Variants in ATP2A2 observed in about 807,000 individuals in gnomAD.
The protein encoded by ATP2A2 is sarcoplasmic/endoplasmic reticulum calcium ATPase 2.
In ATP2A2, 14 loss-of-function variants were observed where a neutral mutation model predicts 109.3. That is an observed-to-expected ratio of 0.13 (90% confidence interval 0.08 to 0.20). The LOEUF (loss-of-function observed/expected upper bound fraction) is 0.20. Ranked by LOEUF, ATP2A2 falls within the 10% of genes least tolerant of loss-of-function variation. The pLI, the probability that ATP2A2 is intolerant of heterozygous loss-of-function variation, is 1.00. For synonymous variants in ATP2A2, 506 were observed against 490.9 expected (o/e 1.03, Z -0.41); for missense variants, 657 against 1,321.6 (o/e 0.50, Z 7.80).
intron 5 of ATP2A2, among the ~76,000 whole-genome samples, chr12:110,311,710 A>G (rs1876090477): frequency 6.8e-6 from 1 of 146,814 alleles, no homozygotes; most frequent in Non-Finnish European, 1.5e-5. Flanking sequence ...AGTCTTTTGT[A>G]AAATATGAAA....
chr12:110,348,331 C>CAGTT lies in ATP2A2; in HGVS notation c.*1865_*1868dup, dbSNP rs1272138046. ...TAGCTCTGCAGGGGATGTTAAAGCA[C>CAGTT]AGTTAGTAGGACGTGGCTCTGCACA... is the stretch of plus-strand genomic sequence containing the variant. On this transcript the variant is annotated 3_prime_UTR_variant, in exon 20 of 20. Transcript: ENST00000539276. 8 of 985,152 alleles carry CAGTT rather than the reference C, an allele frequency of 8.1e-6. No individual in the cohort carries two copies. The South Asian group carries it at 1.9e-4, about 23-fold the overall frequency. 61.0% of individuals were successfully genotyped at this position (985,152 alleles called of 1,614,324 possible).
At chr12:110,306,112 C>G (rs1875291547) in intron 5 of ATP2A2, among the ~76,000 whole-genome samples, 1 of 152,194 alleles carries the variant, frequency 6.6e-6, no homozygotes, top group African/African-American at 2.4e-5. Flanking sequence ...GATCTCTGCT[C>G]ACTGCAAGCT....
intron 4 of ATP2A2, among the ~76,000 whole-genome samples, chr12:110,293,484 TC>T (rs1243042563): frequency 6.7e-6 from 1 of 150,084 alleles, no homozygotes; most frequent in Non-Finnish European, 1.5e-5. Context: ...AACCTCCACT[TC>T]CCGGGATCAA....
rs575731941 is a variant in ATP2A2, at chr12:110,340,256, G to T, written c.1762-403G>T. On this transcript the variant is annotated intron_variant, in intron 13 of 19. Transcript: ENST00000539276. This position sits in a 1 kb window ranked among gnomAD's most constrained non-coding sequence, Gnocchi z 6.0. ...TTTCTCATAAGAAAATGCAAAAACC[G>T]CCAGGCACGGTGGCTCAAATGCCTG... Among the ~76,000 whole-genome samples the T allele has an allele frequency of 6.6e-6, 1 of 152,008 alleles. No homozygotes were observed. Among genetic ancestry groups the T allele is most frequent in the East Asian group, 1.9e-4 (1 of 5,192 alleles).
rs973424186 is a variant in ATP2A2, at chr12:110,347,653, T to A, written c.*1183T>A. ...TTGTATAGAACTATTTTTATTTGAA[T>A]GTGGCACTAACCACCACCACCGTTA... On this transcript the variant is annotated 3_prime_UTR_variant, in exon 20 of 20. Coordinates refer to ENST00000539276, the MANE Select transcript of ATP2A2 (RefSeq NM_170665.4). 7.6e-6 allele frequency: 9 copies of A among 1,181,284 alleles called. No individual in the cohort carries two copies. The highest frequency in any genetic ancestry group is 3.6e-5 in the Admixed American group (1 of 27,966). 73.2% of individuals were successfully genotyped at this position (1,181,284 alleles called of 1,614,324 possible).
chr12:110,318,530 G>A (rs898534722), intron 5 of ATP2A2, among the ~76,000 whole-genome samples: 2 of 152,172 alleles, frequency 1.3e-5, no homozygotes, highest in Non-Finnish European at 2.9e-5. Flanking sequence ...CCAGGCTGGA[G>A]TGGCGCAACT....
chr12:110,318,884 T>A (rs1337872514), intron 5 of ATP2A2, among the ~76,000 whole-genome samples: 5 of 152,138 alleles, frequency 3.3e-5, no homozygotes, highest in Non-Finnish European at 5.9e-5. Context: ...TCCCAAGTGT[T>A]GGGAGGCTTT....
At chr12:110,308,249 C>G (rs771076969) in intron 5 of ATP2A2, among the ~76,000 whole-genome samples, 1 of 152,158 alleles carries the variant, frequency 6.6e-6, no homozygotes, top group Non-Finnish European at 1.5e-5. Context: ...GTTAGAATCT[C>G]CAATACAACG....
At chr12:110,337,081 G>C (rs1265161850) in intron 11 of ATP2A2, among the ~76,000 whole-genome samples, 1 of 152,134 alleles carries the variant, frequency 6.6e-6, no homozygotes, top group Non-Finnish European at 1.5e-5. Flanking sequence ...CACAAGTACG[G>C]GCAATACTGT....
In ATP2A2 at chr12:110,322,922, C is replaced by A. The variant is rs183641769; in HGVS notation, c.464-70C>A. ...TTTTCTTTAAAAATTGATTTGGAGA[C>A]AAATTCATCTTTAGATAACATAGTT... On this transcript the variant is annotated intron_variant, in intron 5 of 19. Coordinates refer to ENST00000539276, the MANE Select transcript of ATP2A2 (RefSeq NM_170665.4). 7.4e-3 allele frequency: 8,223 copies of A among 1,113,792 alleles called. 44 individuals carry two copies. Among genetic ancestry groups the A allele is most frequent in the Non-Finnish European group, 9.4e-3 (6,787 of 725,720 alleles). The allele number at this position is 1,113,792 out of a possible 1,614,324, so 69.0% of individuals were successfully genotyped here.
In ATP2A2 at chr12:110,327,644, C is replaced by G. The variant is rs749276909; in HGVS notation, c.722C>G (p.Ala241Gly). ...EIGKIRDEMV[A>G]TEQERTPLQQ... ...GGCAAGATCCGGGATGAAATGGTGGCAACAGAACAGGAGAGAACACCCCTT... is the reference window on the plus strand; with the variant it reads ...GGCAAGATCCGGGATGAAATGGTGGGAACAGAACAGGAGAGAACACCCCTT... The change falls in exon 8 of 20, where the codon GCA becomes GGA. Residue 241 changes from alanine (A) to glycine (G), a missense_variant. Ala to Gly is a moderately conservative substitution (Grantham distance 60, BLOSUM62 0). This residue lies in a region of ATP2A2 where 136 missense variants were observed against 343.9 expected (regional missense o/e 0.40). Coordinates refer to ENST00000539276, the MANE Select transcript of ATP2A2 (RefSeq NM_170665.4). The surrounding 1 kb of genome is among the most constrained non-coding windows in gnomAD (Gnocchi z 4.4). The G allele has an allele frequency of 1.9e-6, 3 of 1,614,064 alleles. No homozygotes were observed. Among genetic ancestry groups the G allele is most frequent in the Non-Finnish European group, 2.5e-6 (3 of 1,180,002 alleles).
At chr12:110,317,780 C>T (rs529225860) in intron 5 of ATP2A2, among the ~76,000 whole-genome samples, 3 of 152,270 alleles carry the variant, frequency 2.0e-5, no homozygotes, top group Admixed American at 6.5e-5. Flanking sequence ...AGTTCTAAAA[C>T]GTGGCAAACT....
chr12:110,299,139 G>A (rs1453246785), intron 5 of ATP2A2, among the ~76,000 whole-genome samples: 1 of 152,012 alleles, frequency 6.6e-6, no homozygotes, highest in Non-Finnish European at 1.5e-5. Flanking sequence ...TCCTAGCTAA[G>A]TTTTGTATTT....
At chr12:110,320,276 T>A (rs3026468) in intron 5 of ATP2A2, among the ~76,000 whole-genome samples, 12,279 of 152,212 alleles carry the variant, frequency 0.081, 541 homozygotes, top group Middle Eastern at 0.11. Flanking sequence ...GTTTATATAT[T>A]GAATTGTTTA....
chr12:110,295,056 C>T (rs1456274140), intron 4 of ATP2A2, among the ~76,000 whole-genome samples: 4 of 152,026 alleles, frequency 2.6e-5, no homozygotes, highest in African/African-American at 7.3e-5. Context: ...CAACCTCAGG[C>T]GATCCGCCCA....
In ATP2A2 at chr12:110,327,825, C is replaced by T. The variant is rs1592845741; in HGVS notation, c.903C>T (p.Ala301=). Residue 301 remains alanine, a synonymous_variant, in exon 8 of 20, where the codon GCC becomes GCT. Transcript: ENST00000539276. The surrounding 1 kb of genome is among the most constrained non-coding windows in gnomAD (Gnocchi z 4.4). ...TTTACTACTTTAAAATTGCAGTGGC[C>T]CTGGCTGTAGCAGCCATTCCTGAAG... ...GAIYYFKIAV[A]LAVAAIPEGL... is the part of the protein sequence containing the mutation. 1 of 1,614,140 alleles carries T rather than the reference C, an allele frequency of 6.2e-7. No homozygotes were observed. Among genetic ancestry groups the T allele is most frequent in the Non-Finnish European group, 8.5e-7 (1 of 1,180,022 alleles).
At position 110,339,801 on chromosome 12, in the gene ATP2A2, A is replaced by C. The variant is rs1879177374; in HGVS notation, c.1761+80A>C. Reference sequence around the variant, plus strand: ...ACAGTACTCCTTCAAGCAAAAGGTCAAACAGTTCTCACTTTTGCCAAGAAA... The same window carrying C: ...ACAGTACTCCTTCAAGCAAAAGGTCCAACAGTTCTCACTTTTGCCAAGAAA... On this transcript the variant is annotated intron_variant, in intron 13 of 19. Coordinates refer to ENST00000539276, the MANE Select transcript of ATP2A2 (RefSeq NM_170665.4). This position sits in a 1 kb window ranked among gnomAD's most constrained non-coding sequence, Gnocchi z 4.4. 2 of 1,450,930 alleles carry C rather than the reference A, an allele frequency of 1.4e-6. No individual in the cohort carries two copies. Among genetic ancestry groups the C allele is most frequent in the African/African-American group, 2.8e-5 (2 of 71,766 alleles). 89.9% of individuals were successfully genotyped at this position (1,450,930 alleles called of 1,614,324 possible). A position where few individuals can be genotyped will look rare whatever the true frequency, so the allele number is the denominator to read the frequency against.
At chr12:110,283,756 T>C (rs1872390333) in intron 3 of ATP2A2, among the ~76,000 whole-genome samples, 1 of 152,178 alleles carries the variant, frequency 6.6e-6, no homozygotes, top group South Asian at 2.1e-4. Context: ...TTCTTTCTAG[T>C]TAAAACAAAA....
intron 8 of ATP2A2, 116 bp downstream of exon 8, chr12:110,328,133 G>A (rs1321679767): frequency 9.6e-6 from 10 of 1,037,152 alleles, no homozygotes; most frequent in African/African-American, 6.4e-5. Flanking sequence ...TGGGCTGTAT[G>A]TATAGCCTGA....
Sources: allele counts gnomAD v4.1 joint callset (sites outside exome capture counted in the v4.1 genomes callset), GRCh38; gene constraint gnomAD v4.1.1; regional missense constraint gnomAD v4.1.1; non-coding constraint Gnocchi (gnomAD v3.1); transcripts MANE v1.5; gene names NCBI Gene and HGNC (gene_info 2026-07-23, HGNC 2026-07-21).